PCDHGB1: variants seen among roughly 807,000 people sequenced by gnomAD.
PCDHGB1 encodes the protein protocadherin gamma subfamily B, 1, also known as protocadherin gamma-B1.
In PCDHGB1, 34 loss-of-function variants were observed where a neutral mutation model predicts 56.6. The ratio of observed to expected loss-of-function variants is 0.60; its 90% CI spans 0.46 to 0.80. PCDHGB1 has a LOEUF of 0.80. PCDHGB1 is among the 30% of genes least tolerant of loss of function. The pLI is 0.00. For synonymous variants in PCDHGB1, 561 were observed against 505.9 expected (o/e 1.11, Z -1.46); for missense variants, 1,278 against 1,204.6 (o/e 1.06, Z -0.90).
chr5:141,490,181 G>T lies in PCDHGB1; in HGVS notation c.2410-4626G>T, dbSNP rs755899660. ...GGTCCCATAGACTTTGAGGAGTCAC[G>T]TTTCTATGAAATTCATGCAAGAGCC... is the stretch of plus-strand genomic sequence containing the variant. On this transcript the variant is annotated intron_variant, in intron 1 of 3. Coordinates refer to ENST00000523390, the MANE Select transcript of PCDHGB1 (RefSeq NM_018922.3). The surrounding 1 kb of genome is among the most constrained non-coding windows in gnomAD (Gnocchi z 5.4). The T allele has an allele frequency of 6.2e-7, 1 of 1,614,200 alleles. No individual in the cohort carries two copies. The highest frequency in any genetic ancestry group is 8.5e-7 in the Non-Finnish European group (1 of 1,180,030).
chr5:141,392,690 G>T, intron 1 of PCDHGB1: 1 of 1,127,490 alleles, frequency 8.9e-7, no homozygotes, highest in Non-Finnish European at 1.2e-6. Flanking sequence ...AGCGAAACCC[G>T]ACCCCTGTTT....
intron 1 of PCDHGB1, chr5:141,413,431 G>T (rs963192857): frequency 1.9e-6 from 3 of 1,614,092 alleles, no homozygotes; most frequent in Non-Finnish European, 2.5e-6. Context: ...CCCGCGCAGC[G>T]GCAGCTTGAT....
chr5:141,389,784 G>C (rs1380763543), intron 1 of PCDHGB1: 2 of 1,613,318 alleles, frequency 1.2e-6, no homozygotes, highest in South Asian at 2.2e-5. Flanking sequence ...AGGCGACAGG[G>C]ACGCCGTCCG....
At chr5:141,381,370 G>A (rs562934988) in intron 1 of PCDHGB1, among the ~76,000 whole-genome samples, 1 of 152,320 alleles carries the variant, frequency 6.6e-6, no homozygotes, top group East Asian at 1.9e-4. Context: ...GGTAGCCTCG[G>A]ATCCATCAAT....
At chr5:141,404,147 G>C in intron 1 of PCDHGB1, 1 of 1,612,990 alleles carries the variant, frequency 6.2e-7, no homozygotes, top group African/African-American at 1.3e-5. Context: ...AAATTCAGAA[G>C]AAGATTATTA....
chr5:141,460,961 ATGTGTGTG>A (rs35821115), intron 1 of PCDHGB1, among the ~76,000 whole-genome samples: 11 of 144,552 alleles, frequency 7.6e-5, no homozygotes, highest in South Asian at 2.2e-4. Context: ...GTATATATAT[ATGTGTGTG>A]TGTGTGTGTG....
At chr5:141,372,431 C>G in intron 1 of PCDHGB1, 3 of 1,614,052 alleles carry the variant, frequency 1.9e-6, no homozygotes, top group Non-Finnish European at 2.5e-6. Context: ...GCGACCGCCC[C>G]ACTCCCTCTG....
chr5:141,423,482 A>G, intron 1 of PCDHGB1: 2 of 1,613,968 alleles, frequency 1.2e-6, no homozygotes, highest in African/African-American at 1.3e-5. Flanking sequence ...GCTTTCCTGC[A>G]AACCTATTCC....
Position 141,350,140 on chromosome 5 carries a change from C to G in PCDHGB1, c.-121C>G, listed in dbSNP as rs1420873443. The G allele has an allele frequency of 6.2e-6, 5 of 805,908 alleles. No individual in the cohort carries two copies. The East Asian group carries it at 1.4e-4, about 23-fold the overall frequency. The allele number at this position is 805,908 out of a possible 1,614,324, so 49.9% of individuals were successfully genotyped here. A position where few individuals can be genotyped will look rare whatever the true frequency, so the allele number is the denominator to read the frequency against. ...CGGTGCACTGAGCACAGACGCTGCT[C>G]CTGTTCACCCTCGAGCGCCTAACTA... On this transcript the variant is annotated 5_prime_UTR_variant, in exon 1 of 4. Coordinates refer to ENST00000523390, the MANE Select transcript of PCDHGB1 (RefSeq NM_018922.3).
chr5:141,413,117 C>A, intron 1 of PCDHGB1: 1 of 1,509,120 alleles, frequency 6.6e-7, no homozygotes, highest in Non-Finnish European at 8.9e-7. Context: ...ACAAAGGAAC[C>A]GGTTGAAACA....
chr5:141,405,568 T>C, intron 1 of PCDHGB1: 1 of 606,666 alleles, frequency 1.6e-6, no homozygotes, highest in South Asian at 2.1e-5. Context: ...GGGACTAGAG[T>C]AGAGTAGCTG....
chr5:141,413,425 C>T, intron 1 of PCDHGB1: 1 of 1,614,098 alleles, frequency 6.2e-7, no homozygotes, highest in Non-Finnish European at 8.5e-7. Flanking sequence ...TCTGAACCCG[C>T]GCAGCGGCAG....
In PCDHGB1 at chr5:141,383,143, G is replaced by T. The variant is rs371358932; in HGVS notation, c.2409+30474G>T. 1.9e-5 allele frequency: 30 copies of T among 1,614,090 alleles called. No homozygotes were observed. The African/African-American group carries it at 3.1e-4, about 16-fold the overall frequency. ...GCTTTTCGCCCTGAACCAGCGCAGC[G>T]GCAGCTTGGTCACTGCGGGCAGGAT... On this transcript the variant is annotated intron_variant, in intron 1 of 3. Coordinates refer to ENST00000523390, the MANE Select transcript of PCDHGB1 (RefSeq NM_018922.3).
chr5:141,389,194 C>A (rs760691972), intron 1 of PCDHGB1: 15 of 1,613,922 alleles, frequency 9.3e-6, no homozygotes, highest in Non-Finnish European at 1.0e-5. Context: ...TCCAGCATCA[C>A]CCTGCACATT....
Position 141,409,297 on chromosome 5 carries a change from T to TGTGAATG in PCDHGB1, c.2409+56630_2409+56631insGAATGGT, listed in dbSNP as rs774936669. On this transcript the variant is annotated intron_variant, in intron 1 of 3. Transcript: ENST00000523390. ...TGGAGAATTCACCTCCAGGAATGGT[T>TGTGAATG]GTTGCCCTCTTCAAAACACGGGATC... The TGTGAATG allele has an allele frequency of 1.3e-5, 21 of 1,613,888 alleles. No homozygotes were observed. In the African/African-American group the frequency reaches 2.7e-4, roughly 21 times the overall value.
At chr5:141,385,495 T>C (rs1781231622) in intron 1 of PCDHGB1, 3 of 1,391,864 alleles carry the variant, frequency 2.2e-6, no homozygotes, top group African/African-American at 2.9e-5. Flanking sequence ...ACATAGGATA[T>C]AGTATTTCTT....
chr5:141,370,997 C>A (rs1449241372), intron 1 of PCDHGB1: 1 of 1,613,866 alleles, frequency 6.2e-7, no homozygotes, highest in Non-Finnish European at 8.5e-7. Flanking sequence ...CACCCCTGGA[C>A]AGGGAAGAGC....
At position 141,491,413 on chromosome 5, in the gene PCDHGB1, G is replaced by A. The variant is rs1193417991; in HGVS notation, c.2410-3394G>A. 5.6e-6 allele frequency: 9 copies of A among 1,613,946 alleles called. No individual in the cohort carries two copies. Among genetic ancestry groups the A allele is most frequent in the Non-Finnish European group, 7.6e-6 (9 of 1,179,986 alleles). On this transcript the variant is annotated intron_variant, in intron 1 of 3. Transcript: ENST00000523390. The surrounding 1 kb of genome is among the most constrained non-coding windows in gnomAD (Gnocchi z 6.9). Reference sequence around the variant, plus strand: ...CCTTCAGGGAAACGCAGACGGGGACGGGGGTGGAGGGCAGTGCTGCAGGCG... The same window carrying A: ...CCTTCAGGGAAACGCAGACGGGGACAGGGGTGGAGGGCAGTGCTGCAGGCG...
chr5:141,490,132 A>G lies in PCDHGB1; in HGVS notation c.2410-4675A>G, dbSNP rs1245562757. The G allele has an allele frequency of 3.7e-6, 6 of 1,614,102 alleles. No homozygotes were observed. In the African/African-American group the frequency reaches 4.0e-5, roughly 11 times the overall value. ...GCGGAACCTCTTTGGCCTAGACCCTAGCAGTGGGGCAATCCATGTGTTGGG... is the reference window on the plus strand; with the variant it reads ...GCGGAACCTCTTTGGCCTAGACCCTGGCAGTGGGGCAATCCATGTGTTGGG... On this transcript the variant is annotated intron_variant, in intron 1 of 3. Coordinates refer to ENST00000523390, the MANE Select transcript of PCDHGB1 (RefSeq NM_018922.3). The surrounding 1 kb of genome is among the most constrained non-coding windows in gnomAD (Gnocchi z 5.4).
Sources: allele counts gnomAD v4.1 joint callset (sites outside exome capture counted in the v4.1 genomes callset), GRCh38; gene constraint gnomAD v4.1.1; non-coding constraint Gnocchi (gnomAD v3.1); transcripts MANE v1.5; gene names NCBI Gene and HGNC (gene_info 2026-07-23, HGNC 2026-07-21).